The following PDIA6 variants were observed in gnomAD, a reference collection of about 807,000 sequenced individuals.
PDIA6 encodes protein disulfide-isomerase A6.
Under a neutral mutation model 58.4 loss-of-function variants are expected in PDIA6, and 29 were observed. The ratio of observed to expected loss-of-function variants is 0.50; its 90% CI spans 0.37 to 0.68. PDIA6 has a LOEUF of 0.68. Ranked by LOEUF, PDIA6 falls within the 30% of genes least tolerant of loss-of-function variation. The pLI, the probability that PDIA6 is intolerant of heterozygous loss-of-function variation, is 0.00. For missense variants in PDIA6, 480 were observed against 551.0 expected (o/e 0.87, Z 1.29); for synonymous variants, 192 against 202.6 (o/e 0.95, Z 0.44).
chr2:10,812,209 T>C, intron 1 of PDIA6, among the ~76,000 whole-genome samples: 1 of 152,148 alleles, frequency 6.6e-6, no homozygotes, highest in African/African-American at 2.4e-5. Flanking sequence ...CGCGCCCGGC[T>C]TAACATTTCA....
intron 1 of PDIA6, among the ~76,000 whole-genome samples, chr2:10,812,321 G>A (rs2357823): frequency 0.57 from 86,477 of 151,582 alleles, 24,761 homozygotes; most frequent in Middle Eastern, 0.6. Flanking sequence ...AGAAGAGCCC[G>A]GAACAAGCTC....
chr2:10,792,268 T>C (rs930759978), intron 5 of PDIA6, among the ~76,000 whole-genome samples: 1 of 152,220 alleles, frequency 6.6e-6, no homozygotes, highest in Non-Finnish European at 1.5e-5. Context: ...AGCTGCTGCT[T>C]CATCCTAGGA....
At chr2:10,833,133 T>C (rs971230192), upstream of PDIA6, among the ~76,000 whole-genome samples, 1 of 152,022 alleles carries the variant, frequency 6.6e-6, no homozygotes, top group Admixed American at 6.5e-5. Context: ...CAGGTGTCCA[T>C]GTAGAGCCCA....
chr2:10,822,023 T>C lies in PDIA6; in HGVS notation c.-47-2669A>G, dbSNP rs183271902. 2.0e-4 allele frequency among the ~76,000 whole-genome samples: 31 copies of C among 152,146 alleles called. 1 individual carries two copies. In the East Asian group the frequency reaches 5.2e-3, roughly 26 times the overall value. Reference sequence around the variant, plus strand: ...GGTATGATCACGGCTTACTACAGCCTCAACCTCCTGGGCTCAAGTGATCCT... The same window carrying C: ...GGTATGATCACGGCTTACTACAGCCCCAACCTCCTGGGCTCAAGTGATCCT... On this transcript the variant is annotated intron_variant, in intron 1 of 13. Coordinates refer to the PDIA6 transcript ENST00000381611.
At chr2:10,790,139 C>T (rs1665967634) in intron 7 of PDIA6, among the ~76,000 whole-genome samples, 2 of 152,002 alleles carry the variant, frequency 1.3e-5, no homozygotes, top group South Asian at 2.1e-4. Context: ...CCACCACACC[C>T]GGCTAATATT....
At chr2:10,816,895 T>C (rs559896343), upstream of PDIA6, among the ~76,000 whole-genome samples, 1 of 152,306 alleles carries the variant, frequency 6.6e-6, no homozygotes, top group South Asian at 2.1e-4. Context: ...ACACTGGGCA[T>C]GTGCTTGGCA....
upstream of PDIA6, among the ~76,000 whole-genome samples, chr2:10,834,725 T>TCCCTCCCTTCCTC (rs1558468727): frequency 3.3e-4 from 5 of 15,214 alleles, no homozygotes; most frequent in African/African-American, 7.2e-4. Context: ...CTCCCTCCCT[T>TCCCTCCCTTCCTC]CCTTCCCTCC....
chr2:10,817,013 T>C (rs1013941459), upstream of PDIA6, among the ~76,000 whole-genome samples: 3 of 152,212 alleles, frequency 2.0e-5, no homozygotes, highest in African/African-American at 7.2e-5. Context: ...CCCTAAAACC[T>C]ACTGCCTCCT....
At chr2:10,822,498 G>A (rs892753674) in intron 1 of PDIA6, among the ~76,000 whole-genome samples, 1 of 152,030 alleles carries the variant, frequency 6.6e-6, no homozygotes, top group Non-Finnish European at 1.5e-5. Context: ...TCCTGACCTC[G>A]TGATCCACCC....
At chr2:10,835,222 G>A (rs554905542), upstream of PDIA6, among the ~76,000 whole-genome samples, 871 of 152,302 alleles carry the variant, frequency 5.7e-3, 5 homozygotes, top group Non-Finnish European at 8.5e-3. Context: ...GGCCTCCCAA[G>A]CCATCTGCAG....
At chr2:10,824,578 G>C (rs941382437) in intron 1 of PDIA6, among the ~76,000 whole-genome samples, 1 of 152,216 alleles carries the variant, frequency 6.6e-6, no homozygotes, top group East Asian at 1.9e-4. Flanking sequence ...TCTGGACTTT[G>C]GTCAATGGCT....
chr2:10,836,806 G>C (rs1410168805), upstream of PDIA6, among the ~76,000 whole-genome samples: 2 of 152,106 alleles, frequency 1.3e-5, no homozygotes, highest in African/African-American at 4.8e-5. Flanking sequence ...AAAAAAAATA[G>C]ATGGCTTACT....
upstream of PDIA6, among the ~76,000 whole-genome samples, chr2:10,816,522 C>CTTTTT (rs772701227): frequency 0.046 from 6,220 of 136,062 alleles, 160 homozygotes; most frequent in South Asian, 0.068. Flanking sequence ...CCTTTTTGTG[C>CTTTTT]TTTCTTTTTT....
chr2:10,789,578 A>T (rs1665939196), intron 8 of PDIA6, among the ~76,000 whole-genome samples, 171 bp downstream of exon 8: 1 of 152,238 alleles, frequency 6.6e-6, no homozygotes, highest in Admixed American at 6.5e-5. Context: ...TTCTAATGCT[A>T]AAAGTTATGA....
At chr2:10,834,576 C>G (rs1667782949), upstream of PDIA6, among the ~76,000 whole-genome samples, 1 of 152,138 alleles carries the variant, frequency 6.6e-6, no homozygotes, top group African/African-American at 2.4e-5. Flanking sequence ...CAGGCCGAGG[C>G]TCCTGTGGCC....
intron 2 of PDIA6, among the ~76,000 whole-genome samples, chr2:10,801,165 G>A (rs910127764): frequency 1.3e-5 from 2 of 152,154 alleles, no homozygotes; most frequent in Non-Finnish European, 2.9e-5. Context: ...TGTAGTACCA[G>A]TGCTGGGGAG....
At chr2:10,831,270 C>A (rs1482151843) in intron 1 of PDIA6, among the ~76,000 whole-genome samples, 1 of 152,218 alleles carries the variant, frequency 6.6e-6, no homozygotes, top group African/African-American at 2.4e-5. Flanking sequence ...CTGCCCTCCT[C>A]CCGGGCCCGT....
intron 11 of PDIA6, among the ~76,000 whole-genome samples, chr2:10,786,646 C>T (rs575331051): frequency 5.3e-5 from 8 of 152,172 alleles, no homozygotes; most frequent in Non-Finnish European, 1.0e-4. Flanking sequence ...CTCTCAACTA[C>T]CTTTTGTGTG....
intron 1 of PDIA6, among the ~76,000 whole-genome samples, chr2:10,806,381 AAAG>A (rs1282593618): frequency 6.6e-6 from 1 of 151,596 alleles, no homozygotes; most frequent in Non-Finnish European, 1.5e-5. Context: ...AAAAAAAAAA[AAAG>A]AGAGAAAATA....
Sources: allele counts gnomAD v4.1 joint callset (sites outside exome capture counted in the v4.1 genomes callset), GRCh38; gene constraint gnomAD v4.1.1; transcripts MANE v1.5; gene names NCBI Gene and HGNC (gene_info 2026-07-23, HGNC 2026-07-21).